Variants in PARD3B observed in about 807,000 individuals in gnomAD.
PARD3B encodes the protein par-3 family cell polarity regulator beta.
In PARD3B, 103 loss-of-function variants were observed where a neutral mutation model predicts 130.2. The ratio of observed to expected loss-of-function variants is 0.79; its 90% CI spans 0.67 to 0.93. The LOEUF (loss-of-function observed/expected upper bound fraction) is 0.93. Among genes scored for constraint, PARD3B ranks in the 40% least tolerant of loss-of-function variants. The probability of loss-of-function intolerance (pLI) is 0.00; values close to 1 mark genes in which losing one functional copy is unlikely to be tolerated. For missense variants in PARD3B, 1,609 were observed against 1,499.2 expected (o/e 1.07, Z -1.21); for synonymous variants, 583 against 553.2 (o/e 1.05, Z -0.76).
intron 10 of PARD3B, among the ~76,000 whole-genome samples, chr2:205,155,686 C>T (rs927740469): frequency 6.6e-6 from 1 of 152,158 alleles, no homozygotes; most frequent in African/African-American, 2.4e-5. Context: ...GTTCCTATTT[C>T]TCCACATCCT....
chr2:204,583,153 C>T (rs1481881412), intron 1 of PARD3B, among the ~76,000 whole-genome samples: 2 of 137,400 alleles, frequency 1.5e-5, no homozygotes, highest in African/African-American at 5.6e-5. Context: ...ATAAATCATG[C>T]TGCTATAAAG....
At chr2:204,780,725 G>A (rs1031763843) in intron 2 of PARD3B, among the ~76,000 whole-genome samples, 6 of 152,056 alleles carry the variant, frequency 3.9e-5, no homozygotes, top group African/African-American at 1.4e-4. Flanking sequence ...GCATTTGGGG[G>A]CATATACATA....
intron 2 of PARD3B, among the ~76,000 whole-genome samples, chr2:204,821,954 C>T (rs1032447570): frequency 6.6e-6 from 1 of 152,140 alleles, no homozygotes; most frequent in Non-Finnish European, 1.5e-5. Flanking sequence ...TTCTGCAGTC[C>T]ATGGATCAGC....
chr2:204,695,246 TG>T (rs2037554815), intron 2 of PARD3B, among the ~76,000 whole-genome samples: 1 of 152,052 alleles, frequency 6.6e-6, no homozygotes, highest in Non-Finnish European at 1.5e-5. Flanking sequence ...CCTAGGGGTA[TG>T]GGACCATTAT....
chr2:205,469,957 A>C (rs923855866), intron 20 of PARD3B, among the ~76,000 whole-genome samples: 21 of 152,224 alleles, frequency 1.4e-4, no homozygotes, highest in African/African-American at 4.8e-4. Flanking sequence ...TGTAAGTACC[A>C]GTAAGCAGGG....
intron 18 of PARD3B, among the ~76,000 whole-genome samples, chr2:205,311,327 CT>C (rs1251602195): frequency 2.0e-5 from 3 of 152,120 alleles, no homozygotes; most frequent in Admixed American, 6.6e-5. Flanking sequence ...CTTGCCGACA[CT>C]TATCTTTCAT....
intron 3 of PARD3B, among the ~76,000 whole-genome samples, chr2:205,019,699 TG>T (rs1293603281): frequency 6.6e-6 from 1 of 152,214 alleles, no homozygotes; most frequent in Non-Finnish European, 1.5e-5. Context: ...TGGTATTCAC[TG>T]TAGTTTTGAT....
At chr2:205,043,832 T>C (rs1698554067) in intron 3 of PARD3B, among the ~76,000 whole-genome samples, 1 of 151,988 alleles carries the variant, frequency 6.6e-6, no homozygotes, top group Admixed American at 6.6e-5. Flanking sequence ...ATACTTTAAG[T>C]TTTAGGGTAC....
rs763912074 is a variant in PARD3B at position 205,121,608 on chromosome 2, G to T, written c.824G>T (p.Arg275Leu). 20 of 1,612,646 alleles carry T rather than the reference G, an allele frequency of 1.2e-5. No individual in the cohort carries two copies. Among genetic ancestry groups the T allele is most frequent in the Non-Finnish European group, 1.7e-5 (20 of 1,178,812 alleles). ...KTFAQAQDVF[R>L]QAMKSPSVLL... The stretch of plus-strand genomic sequence containing the variant: ...CTTTCCAGGGCTCAAGATGTCTTCC[G>T]CCAGGCAATGAAATCTCCAAGTGTG... The change falls in exon 8 of 23, where the codon CGC becomes CTC. Residue 275 changes from arginine (R) to leucine (L), a missense_variant. Coordinates refer to ENST00000406610, the MANE Select transcript of PARD3B (RefSeq NM_001302769.2). This position sits in a 1 kb window ranked among gnomAD's most constrained non-coding sequence, Gnocchi z 5.0.
Position 205,155,836 on chromosome 2 carries a change from A to G in PARD3B, c.1435-2886A>G, listed in dbSNP as rs550136387. On this transcript the variant is annotated intron_variant, in intron 10 of 22. Transcript: ENST00000406610. ...TTTTTCATGTGTTTTTTGGCTGCAT[A>G]AGTGTCTTCCTTTGAGAAGTGTCTG... is the stretch of plus-strand genomic sequence containing the variant. Among the ~76,000 whole-genome samples the G allele has an allele frequency of 1.6e-4, 25 of 152,200 alleles. No homozygotes were observed. In the South Asian group the frequency reaches 5.0e-3, roughly 30 times the overall value.
intron 2 of PARD3B, among the ~76,000 whole-genome samples, chr2:204,863,351 C>T (rs751661348): frequency 2.1e-4 from 32 of 152,310 alleles, no homozygotes; most frequent in Middle Eastern, 3.4e-3. Flanking sequence ...CTTTCTTACT[C>T]TGGTGAGGAG....
intron 14 of PARD3B, among the ~76,000 whole-genome samples, chr2:205,188,672 C>T (rs546072237): frequency 7.9e-5 from 12 of 151,910 alleles, no homozygotes; most frequent in East Asian, 5.8e-4. Flanking sequence ...TGCTGCGTTG[C>T]CTAGGTGACC....
chr2:205,139,483 A>G (rs781705206), intron 10 of PARD3B, among the ~76,000 whole-genome samples: 6 of 152,228 alleles, frequency 3.9e-5, no homozygotes, highest in Admixed American at 6.5e-5. Flanking sequence ...TGTAATTATT[A>G]ATGCAATCAC....
At position 205,176,393 on chromosome 2, in the gene PARD3B, C is replaced by A. The variant is rs989807230; in HGVS notation, c.1792-52C>A. On this transcript the variant is annotated intron_variant, in intron 12 of 22. Coordinates refer to ENST00000406610, the MANE Select transcript of PARD3B (RefSeq NM_001302769.2). The surrounding 1 kb of genome is among the most constrained non-coding windows in gnomAD (Gnocchi z 5.3). ...ATTCTTTCACTTTGCTTCAACTGAC[C>A]AAGTTGGAACATATTAAAAATGCAA... The A allele has an allele frequency of 6.6e-6, 10 of 1,509,508 alleles. No individual in the cohort carries two copies. The Admixed American group carries it at 1.2e-4, about 19-fold the overall frequency. 93.5% of individuals were successfully genotyped at this position (1,509,508 alleles called of 1,614,324 possible).
chr2:204,913,420 C>T lies in PARD3B; in HGVS notation c.223-51732C>T, dbSNP rs7596873. 3.1e-3 allele frequency among the ~76,000 whole-genome samples: 479 copies of T among 152,204 alleles called. 2 individuals carry two copies. Among genetic ancestry groups the T allele is most frequent in the African/African-American group, 0.011 (457 of 41,510 alleles). ...CTTTTGAGACGATTGTGAGATAATG[C>T]GTGCAAAAGTGCTTAGAACCACAGT... On this transcript the variant is annotated intron_variant, in intron 2 of 22. Transcript: ENST00000406610.
At chr2:205,055,825 T>C (rs1231287628) in intron 4 of PARD3B, among the ~76,000 whole-genome samples, 1 of 152,156 alleles carries the variant, frequency 6.6e-6, no homozygotes, top group Admixed American at 6.6e-5. Flanking sequence ...TAATCATTTT[T>C]TATTGGTCAA....
intron 3 of PARD3B, among the ~76,000 whole-genome samples, chr2:205,023,609 G>T (rs1007951352): frequency 7.4e-6 from 1 of 135,352 alleles, no homozygotes; most frequent in African/African-American, 2.8e-5. Flanking sequence ...AGTTCCCAAG[G>T]ACCCTAATTA....
intron 1 of PARD3B, among the ~76,000 whole-genome samples, chr2:204,651,390 C>T (rs996935747): frequency 2.6e-5 from 4 of 152,234 alleles, no homozygotes; most frequent in African/African-American, 9.6e-5. Flanking sequence ...CAAAACCCAG[C>T]AGGGCACTCA....
At chr2:205,067,004 G>A (rs1700423627) in intron 4 of PARD3B, among the ~76,000 whole-genome samples, 2 of 150,246 alleles carry the variant, frequency 1.3e-5, no homozygotes, top group South Asian at 4.2e-4. Flanking sequence ...TAATGGAAAG[G>A]GAAGTAAGAT....
Sources: gnomAD v4.1 joint callset for allele counts (sites outside exome capture counted in the v4.1 genomes callset) on GRCh38, gnomAD v4.1.1 for gene constraint, Gnocchi (gnomAD v3.1) non-coding constraint, MANE v1.5 for transcripts, NCBI Gene and HGNC (gene_info 2026-07-23, HGNC 2026-07-21) for gene names.